Variants in PAPPA observed in about 807,000 individuals in gnomAD.
PAPPA encodes the protein pappalysin 1.
PAPPA carries 60 observed loss-of-function variants against 164.0 expected under a neutral mutation model. The observed-to-expected ratio is 0.37, with a 90% CI of 0.30 to 0.45. The LOEUF is 0.45. Ranked by LOEUF, PAPPA falls within the 20% of genes least tolerant of loss-of-function variation. The pLI is 1.00. For missense variants in PAPPA, 1,782 were observed against 2,087.3 expected, an observed-to-expected ratio of 0.85 and a Z score of 2.85; for synonymous variants, 875 against 814.1, an observed-to-expected ratio of 1.07 and a Z score of -1.27.
chr9:116,193,544 G>T lies in PAPPA; in HGVS notation c.1478+5328G>T, dbSNP rs534213406. Among the ~76,000 whole-genome samples, 5 of 152,204 alleles carry T rather than the reference G, an allele frequency of 3.3e-5. No individual in the cohort carries two copies. In the East Asian group the frequency reaches 9.7e-4, roughly 29 times the overall value. ...TGACGCAAACCATCCATTGAGAGGG[G>T]GGCTGAGCTGCGATGGAGACCCAGG... is the stretch of plus-strand genomic sequence containing the variant. On this transcript the variant is annotated intron_variant, in intron 2 of 21. Transcript: ENST00000328252.
chr9:116,166,067 G>A (rs1045207961), intron 1 of PAPPA, among the ~76,000 whole-genome samples: 39 of 152,192 alleles, frequency 2.6e-4, no homozygotes, highest in African/African-American at 8.4e-4. Context: ...AATGATTCTG[G>A]GAGAAAGAGC....
intron 9 of PAPPA, among the ~76,000 whole-genome samples, chr9:116,298,648 A>T (rs1418151806): frequency 1.3e-5 from 2 of 152,366 alleles, no homozygotes; most frequent in South Asian, 2.1e-4. Context: ...GAGAGTATAT[A>T]CATCGGGGAT....
chr9:116,311,161 C>G (rs1845713356), intron 10 of PAPPA, among the ~76,000 whole-genome samples: 1 of 147,396 alleles, frequency 6.8e-6, no homozygotes, highest in South Asian at 2.2e-4. Context: ...TTAATTAAGA[C>G]TTGGTTTTGA....
At chr9:116,259,334 C>G (rs1439806779) in intron 7 of PAPPA, among the ~76,000 whole-genome samples, 1 of 151,748 alleles carries the variant, frequency 6.6e-6, no homozygotes, top group Non-Finnish European at 1.5e-5. Context: ...CTCTTATCAA[C>G]AAAGCAGCAT....
intron 19 of PAPPA, among the ~76,000 whole-genome samples, chr9:116,373,923 C>T (rs536143054): frequency 1.9e-4 from 29 of 152,084 alleles, no homozygotes; most frequent in East Asian, 9.7e-4. Context: ...CTCATAGTTA[C>T]GGTGAGAATT....
intron 7 of PAPPA, among the ~76,000 whole-genome samples, chr9:116,247,034 A>G (rs1844804819): frequency 6.6e-6 from 1 of 152,044 alleles, no homozygotes; most frequent in Admixed American, 6.5e-5. Context: ...CAAGAATAAA[A>G]AAAAGAGAGA....
chr9:116,325,321 A>G (rs1043074012), intron 10 of PAPPA, among the ~76,000 whole-genome samples: 1 of 152,128 alleles, frequency 6.6e-6, no homozygotes, highest in Non-Finnish European at 1.5e-5. Context: ...TATTGTGACT[A>G]TGAAACCCTT....
Position 116,323,841 on chromosome 9 carries a change from A to G in PAPPA, c.3148-7403A>G, listed in dbSNP as rs574151202. Among the ~76,000 whole-genome samples the G allele has an allele frequency of 3.9e-5, 6 of 152,350 alleles. No homozygotes were observed. In the South Asian group the frequency reaches 1.2e-3, roughly 32 times the overall value. ...AGCTGGCAGAATGTCAGGACTGAAA[A>G]GCCCTTTGGAGATGAATTCATCTTA... On this transcript the variant is annotated intron_variant, in intron 10 of 21. Coordinates refer to ENST00000328252, the MANE Select transcript of PAPPA (RefSeq NM_002581.5).
Position 116,399,354 on chromosome 9 carries a change from T to C in PAPPA, c.*2738T>C, listed in dbSNP as rs1847014206. On this transcript the variant is annotated 3_prime_UTR_variant, in exon 22 of 22. Coordinates refer to ENST00000328252, the MANE Select transcript of PAPPA (RefSeq NM_002581.5). ...ATTGGTGGCCAACCTCGTGCCCACATGGAAGGTATCTTTAATAGGGTCTTT... is the reference window on the plus strand; with the variant it reads ...ATTGGTGGCCAACCTCGTGCCCACACGGAAGGTATCTTTAATAGGGTCTTT... 6.6e-6 allele frequency: 1 copy of C among 152,626 alleles called. No homozygotes were observed. The highest frequency in any genetic ancestry group is 1.5e-5 in the Non-Finnish European group (1 of 68,052). The allele number at this position is 152,626 out of a possible 1,614,324, so 9.5% of individuals were successfully genotyped here.
Position 116,211,792 on chromosome 9 carries a change from C to G in PAPPA, c.1778C>G (p.Ser593Cys). Residue 593 changes from serine to cysteine, a missense_variant, in exon 4 of 22, where the codon TCC becomes TGC. By Grantham distance (112) the Ser-to-Cys change is moderately radical. Coordinates refer to ENST00000328252, the MANE Select transcript of PAPPA (RefSeq NM_002581.5). ...GACCCCTGCATGGAGACAGAGCCCTCCTTCGAGACTGGAGACCTCTGCAAT... is the reference window on the plus strand; with the variant it reads ...GACCCCTGCATGGAGACAGAGCCCTGCTTCGAGACTGGAGACCTCTGCAAT... ...CSDPCMETEP[S>C]FETGDLCNDT... 1 of 1,614,148 alleles carries G rather than the reference C, an allele frequency of 6.2e-7. No individual in the cohort carries two copies. The highest frequency in any genetic ancestry group is 2.2e-5 in the East Asian group (1 of 44,870).
chr9:116,306,877 A>G (rs183018611), intron 10 of PAPPA, among the ~76,000 whole-genome samples: 6 of 152,314 alleles, frequency 3.9e-5, no homozygotes, highest in Admixed American at 1.3e-4. Flanking sequence ...CCTGAGGAGG[A>G]AATGGAAATA....
At chr9:116,296,823 A>G (rs923966983) in intron 9 of PAPPA, among the ~76,000 whole-genome samples, 14 of 151,964 alleles carry the variant, frequency 9.2e-5, no homozygotes, top group Non-Finnish European at 1.6e-4. Flanking sequence ...ATGCCAAGCT[A>G]AGGAAAATGA....
At position 116,271,441 on chromosome 9, in the gene PAPPA, C is replaced by T; in HGVS notation, c.2953+25C>T. ...GGTACGTCTTTTTCATTTCTTGTGG[C>T]CTTCATGAAGAAATGAACGGTGCAG... On this transcript the variant is annotated intron_variant, in intron 9 of 21. Coordinates refer to ENST00000328252, the MANE Select transcript of PAPPA (RefSeq NM_002581.5). The surrounding 1 kb of genome is among the most constrained non-coding windows in gnomAD (Gnocchi z 4.2). The T allele has an allele frequency of 1.3e-6, 2 of 1,512,310 alleles. No individual in the cohort carries two copies. Among genetic ancestry groups the T allele is most frequent in the South Asian group, 1.1e-5 (1 of 89,072 alleles). 93.7% of individuals were successfully genotyped at this position (1,512,310 alleles called of 1,614,324 possible). A position where few individuals can be genotyped will look rare whatever the true frequency, so the allele number is the denominator to read the frequency against.
chr9:116,377,056 C>T (rs1053725765), intron 19 of PAPPA, among the ~76,000 whole-genome samples: 6 of 152,064 alleles, frequency 3.9e-5, no homozygotes, highest in African/African-American at 9.7e-5. Context: ...AGGAATCTGC[C>T]GTTAATTAAA....
intron 21 of PAPPA, among the ~76,000 whole-genome samples, chr9:116,389,144 T>C (rs2118721416): frequency 6.8e-6 from 1 of 147,342 alleles, no homozygotes; most frequent in East Asian, 2.0e-4. Context: ...TTTTTTTTTT[T>C]TTTTGGAAAC....
chr9:116,367,553 C>A (rs1846517474), intron 18 of PAPPA, 92 bp from the exon 19 acceptor site: 2 of 900,578 alleles, frequency 2.2e-6, no homozygotes, highest in Middle Eastern at 2.4e-4. Context: ...CACCAGGGAC[C>A]AGGGAGTGGG....
chr9:116,298,685 A>T (rs1482815864), intron 9 of PAPPA, among the ~76,000 whole-genome samples: 1 of 152,246 alleles, frequency 6.6e-6, no homozygotes, highest in African/African-American at 2.4e-5. Context: ...TCGTTCATTC[A>T]ACAAATATTT....
chr9:116,235,402 G>A lies in PAPPA; in HGVS notation c.2497G>A (p.Val833Ile), dbSNP rs763310129. ...GAACATCTCCCTGGGTCCTCAGAAT[G>A]TCTTCTGTGATGTCCCACTGACCAT... ...GKNISLGPQNVFCDVPLTIRL... is the reference protein window; with the variant it reads ...GKNISLGPQNIFCDVPLTIRL... Residue 833 changes from valine to isoleucine, a missense_variant, in exon 7 of 22, where the codon GTC becomes ATC. Coordinates refer to ENST00000328252, the MANE Select transcript of PAPPA (RefSeq NM_002581.5). 2 of 1,613,936 alleles carry A rather than the reference G, an allele frequency of 1.2e-6. No homozygotes were observed. The highest frequency in any genetic ancestry group is 2.2e-5 in the East Asian group (1 of 44,834).
At chr9:116,317,124 C>G (rs1845797074) in intron 10 of PAPPA, among the ~76,000 whole-genome samples, 1 of 152,294 alleles carries the variant, frequency 6.6e-6, no homozygotes, top group Non-Finnish European at 1.5e-5. Flanking sequence ...GAAACAAAAA[C>G]AACAACCTGG....
Sources: gnomAD v4.1 joint callset for allele counts (sites outside exome capture counted in the v4.1 genomes callset) on GRCh38, gnomAD v4.1.1 for gene constraint, Gnocchi (gnomAD v3.1) non-coding constraint, MANE v1.5 for transcripts, NCBI Gene and HGNC (gene_info 2026-07-23, HGNC 2026-07-21) for gene names.